The following EPHA7 variants were observed in gnomAD, a reference collection of about 807,000 sequenced individuals.
The protein encoded by EPHA7 is EPH receptor A7.
EPHA7 carries 25 observed loss-of-function variants against 112.6 expected under a neutral mutation model. That is an observed-to-expected ratio of 0.22 (90% CI 0.16 to 0.31). The LOEUF is 0.31. EPHA7 is among the 10% of genes least tolerant of loss of function. The pLI is 1.00. For missense variants in EPHA7, 962 were observed against 1,212.6 expected (o/e 0.79, Z 3.07); for synonymous variants, 437 against 406.5 (o/e 1.07, Z -0.90).
intron 3 of EPHA7, among the ~76,000 whole-genome samples, chr6:93,377,398 T>C (rs554034810): frequency 2.6e-5 from 4 of 152,292 alleles, no homozygotes; most frequent in African/African-American, 7.2e-5. Context: ...AGTTTTTTTT[T>C]CAAAATATTT....
chr6:93,415,523 G>C (rs1779179679), intron 1 of EPHA7, among the ~76,000 whole-genome samples: 1 of 151,896 alleles, frequency 6.6e-6, no homozygotes, highest in Admixed American at 6.6e-5. Context: ...TGTTATAAAT[G>C]CTCCTGATAC....
intron 14 of EPHA7, among the ~76,000 whole-genome samples, chr6:93,250,604 C>T (rs1216562978): frequency 1.3e-5 from 2 of 151,926 alleles, no homozygotes; most frequent in Non-Finnish European, 2.9e-5. Flanking sequence ...ATTATTTTTC[C>T]AATGAAAAAA....
chr6:93,360,612 AT>A (rs1776215097), intron 3 of EPHA7, among the ~76,000 whole-genome samples: 1 of 152,300 alleles, frequency 6.6e-6, no homozygotes, highest in East Asian at 1.9e-4. Context: ...AAGCCTCTAA[AT>A]AAAGGCTAAT....
chr6:93,283,372 T>A (rs1771871607), intron 5 of EPHA7, among the ~76,000 whole-genome samples: 2 of 152,160 alleles, frequency 1.3e-5, no homozygotes, highest in East Asian at 3.9e-4. Flanking sequence ...GATAAGAGAA[T>A]AAAAGCAGGC....
At chr6:93,350,600 CATA>C (rs1775641596) in intron 5 of EPHA7, among the ~76,000 whole-genome samples, 1 of 151,716 alleles carries the variant, frequency 6.6e-6, no homozygotes. Flanking sequence ...GGGGATAAAA[CATA>C]ATTCTTTTTG....
intron 3 of EPHA7, among the ~76,000 whole-genome samples, chr6:93,381,832 C>G (rs1211248235): frequency 6.6e-6 from 1 of 152,028 alleles, no homozygotes; most frequent in African/African-American, 2.4e-5. Context: ...CAAGCACAGC[C>G]ATACTTAAGT....
At chr6:93,400,554 A>C (rs1778390063) in intron 3 of EPHA7, among the ~76,000 whole-genome samples, 1 of 152,000 alleles carries the variant, frequency 6.6e-6, no homozygotes, top group Non-Finnish European at 1.5e-5. Context: ...TTGTTTAGAA[A>C]CAAGGTCTAA....
chr6:93,254,513 G>C, intron 14 of EPHA7, 134 bp downstream of exon 14: 1 of 534,458 alleles, frequency 1.9e-6, no homozygotes, highest in Non-Finnish European at 3.0e-6. Context: ...GGTAATTAGT[G>C]TGGTAGTAAT....
At chr6:93,304,969 A>C (rs1211676485) in intron 5 of EPHA7, among the ~76,000 whole-genome samples, 1 of 151,936 alleles carries the variant, frequency 6.6e-6, no homozygotes, top group Non-Finnish European at 1.5e-5. Context: ...CCCCTGCCTC[A>C]CCACCCCATT....
At chr6:93,392,645 A>T (rs564939502) in intron 3 of EPHA7, among the ~76,000 whole-genome samples, 1 of 152,152 alleles carries the variant, frequency 6.6e-6, no homozygotes, top group African/African-American at 2.4e-5. Flanking sequence ...GATACAAAAT[A>T]ACATTTTGCA....
At chr6:93,404,783 T>C (rs1778613357) in intron 3 of EPHA7, among the ~76,000 whole-genome samples, 1 of 151,684 alleles carries the variant, frequency 6.6e-6, no homozygotes, top group African/African-American at 2.4e-5. Context: ...AATTACTTAA[T>C]ACATGCAAGT....
intron 14 of EPHA7, among the ~76,000 whole-genome samples, chr6:93,248,693 AAAC>A (rs1353555004): frequency 6.7e-6 from 1 of 148,412 alleles, no homozygotes; most frequent in African/African-American, 2.4e-5. Flanking sequence ...ACAAACAAAC[AAAC>A]AACAACAACA....
Position 93,267,045 on chromosome 6 carries a change from AGAAG to A in EPHA7, c.1634-2347_1634-2344del, listed in dbSNP as rs1036760293. Reference sequence around the variant, plus strand: ...GCTTATGAATGCAGTTAAGATTTTCAGAAGGTATATGACATGATAATACTATGAC... The same window carrying A: ...GCTTATGAATGCAGTTAAGATTTTCAGTATATGACATGATAATACTATGAC... On this transcript the variant is annotated intron_variant, in intron 7 of 16. Coordinates refer to ENST00000369303, the MANE Select transcript of EPHA7 (RefSeq NM_004440.4). 7.2e-4 allele frequency among the ~76,000 whole-genome samples: 109 copies of A among 151,940 alleles called. 2 individuals carry two copies. Among genetic ancestry groups the A allele is most frequent in the African/African-American group, 2.5e-3 (105 of 41,508 alleles).
chr6:93,259,440 G>A lies in EPHA7; in HGVS notation c.1838C>T (p.Thr613Ile), dbSNP rs376168086. Residue 613 changes from threonine (T) to isoleucine (I), a missense_variant, in exon 10 of 17, where the codon ACC becomes ATC. This residue lies in a region of EPHA7 where 746 missense variants were observed against 889.2 expected (regional missense o/e 0.84). Transcript: ENST00000369303. ...PGTKTYIDPE[T>I]YEDPNRAVHQ... ...GACAGCTCTATTTGGGTCCTCATAG[G>A]TTTCAGGGTCAATGTAGGTTTTGGT... 165 of 1,611,896 alleles carry A rather than the reference G, an allele frequency of 1.0e-4. No homozygotes were observed. The highest frequency in any genetic ancestry group is 1.4e-4 in the Non-Finnish European group (161 of 1,178,478).
chr6:93,412,571 A>G (rs575290134), intron 2 of EPHA7, among the ~76,000 whole-genome samples: 5 of 152,070 alleles, frequency 3.3e-5, no homozygotes, highest in Admixed American at 6.6e-5. Context: ...ACTCAGTTCA[A>G]CTTGCATTTG....
At chr6:93,371,132 C>A (rs897853443) in intron 3 of EPHA7, among the ~76,000 whole-genome samples, 1 of 151,408 alleles carries the variant, frequency 6.6e-6, no homozygotes, top group African/African-American at 2.4e-5. Flanking sequence ...CCACTGCACT[C>A]CAGCCTGGGC....
chr6:93,387,414 A>T (rs1439937732), intron 3 of EPHA7, among the ~76,000 whole-genome samples: 1 of 152,096 alleles, frequency 6.6e-6, no homozygotes, highest in Non-Finnish European at 1.5e-5. Flanking sequence ...TCTCTAGGAA[A>T]TTCCCAACTT....
intron 5 of EPHA7, among the ~76,000 whole-genome samples, chr6:93,347,790 C>T (rs1029644344): frequency 2.6e-5 from 4 of 151,714 alleles, no homozygotes; most frequent in African/African-American, 9.7e-5. Context: ...GGAAAGTATA[C>T]AGTTACATTG....
intron 3 of EPHA7, among the ~76,000 whole-genome samples, chr6:93,372,623 T>C (rs1183022623): frequency 2.0e-5 from 3 of 152,124 alleles, no homozygotes; most frequent in African/African-American, 7.2e-5. Flanking sequence ...ATAAGATGCA[T>C]TGCTTTTTGA....
Sources: gnomAD v4.1 joint callset for allele counts (sites outside exome capture counted in the v4.1 genomes callset) on GRCh38, gnomAD v4.1.1 for gene constraint, gnomAD v4.1.1 regional missense constraint, MANE v1.5 for transcripts, NCBI Gene and HGNC (gene_info 2026-07-23, HGNC 2026-07-21) for gene names.